The following TRH variants were observed in gnomAD, a reference collection of about 807,000 sequenced individuals.
TRH encodes the protein TSH-releasing factor.
TRH carries 5 observed loss-of-function variants against 5.2 expected under a neutral mutation model. That is an observed-to-expected ratio of 0.95 (90% CI 0.50 to 2.00). TRH has a LOEUF of 2.00. TRH is among the 30% of genes most tolerant of loss of function. TRH has a pLI of 0.01. For missense variants in TRH, 318 were observed against 312.8 expected, an observed-to-expected ratio of 1.02 and a Z score of -0.13; for synonymous variants, 131 against 128.6, an observed-to-expected ratio of 1.02 and a Z score of -0.13.
At chr3:129,975,728 G>C (rs983616460) in intron 1 of TRH, 81 bp from the exon 2 acceptor site, 104 of 1,414,624 alleles carry the variant, frequency 7.4e-5, no homozygotes, top group Non-Finnish European at 9.2e-5. Flanking sequence ...TGCGTGGTTT[G>C]TTTCTGGCGG....
In TRH at chr3:129,975,900, G is replaced by T; in HGVS notation, c.84G>T (p.Ala28=). 1.9e-6 allele frequency: 3 copies of T among 1,613,280 alleles called. No individual in the cohort carries two copies. The highest frequency in any genetic ancestry group is 2.5e-6 in the Non-Finnish European group (3 of 1,179,852). Residue 28 remains alanine (A), a synonymous_variant, in exon 2 of 3, where the codon GCG becomes GCT. Coordinates refer to ENST00000302649, the MANE Select transcript of TRH (RefSeq NM_007117.5). The stretch of plus-strand genomic sequence containing the variant: ...CCGGCGGCCGTGCTCAGCCAGAGGC[G>T]GCCCAGCAGGAGGCAGTGACGGCCG... The part of the protein sequence containing the change: ...GVPGGRAQPE[A]AQQEAVTAAE...
At chr3:129,975,108 C>T (rs1303060606) in intron 1 of TRH, among the ~76,000 whole-genome samples, 1 of 152,094 alleles carries the variant, frequency 6.6e-6, no homozygotes, top group Admixed American at 6.5e-5. Context: ...GCCTGGGTGC[C>T]GCCGGACAGA....
intron 1 of TRH, 105 bp from the exon 2 acceptor site, chr3:129,975,704 G>A: frequency 8.2e-7 from 1 of 1,216,110 alleles, no homozygotes; most frequent in Non-Finnish European, 1.1e-6. Flanking sequence ...GCTTCTGGGA[G>A]GGCGGTTGAA....
Position 129,977,095 on chromosome 3 carries a change from A to G in TRH, c.608A>G (p.Tyr203Cys), listed in dbSNP as rs139795323. Residue 203 changes from tyrosine to cysteine, a missense_variant, in exon 3 of 3, where the codon TAT (tyrosine) becomes TGT (cysteine). Tyr to Cys is a radical substitution (Grantham distance 194). Coordinates refer to ENST00000302649, the MANE Select transcript of TRH (RefSeq NM_007117.5). ...GGCCCCTGTGGGCCCCAGGGAGCCT[A>G]TGGTCAAGCGGGCCTTCTGCTGGGG... ...LGGPCGPQGA[Y>C]GQAGLLLGLL... 8 of 1,584,566 alleles carry G rather than the reference A, an allele frequency of 5.0e-6. No individual in the cohort carries two copies. Among genetic ancestry groups the G allele is most frequent in the Non-Finnish European group, 6.0e-6 (7 of 1,165,954 alleles).
intron 2 of TRH, 113 bp from the exon 3 acceptor site, chr3:129,976,586 G>A (rs989353876): frequency 8.2e-7 from 1 of 1,226,326 alleles, no homozygotes; most frequent in Non-Finnish European, 1.1e-6. Flanking sequence ...CCATGCCTCT[G>A]AGTGGGAGCT....
chr3:129,977,704 C>T lies in TRH; in HGVS notation c.*488C>T, dbSNP rs2108063567. The stretch of plus-strand genomic sequence containing the variant: ...CCCAGGACCCAGGATCTTCTCCTTT[C>T]TGGGCATCCCTTTGTGGGTGGGCAG... On this transcript the variant is annotated 3_prime_UTR_variant, in exon 3 of 3. Transcript: ENST00000302649. 1 of 153,598 alleles carries T rather than the reference C, an allele frequency of 6.5e-6. No homozygotes were observed. The highest frequency in any genetic ancestry group is 6.5e-5 in the Admixed American group (1 of 15,416). 9.5% of individuals were successfully genotyped at this position (153,598 alleles called of 1,614,324 possible).
At chr3:129,976,571 C>T in intron 2 of TRH, 128 bp from the exon 3 acceptor site, 1 of 1,088,534 alleles carries the variant, frequency 9.2e-7, no homozygotes, top group Non-Finnish European at 1.3e-6. Flanking sequence ...GGGGCAGGTG[C>T]AAGACCATGC....
At position 129,977,106 on chromosome 3, in the gene TRH, G is replaced by A. The variant is rs781494718; in HGVS notation, c.619G>A (p.Gly207Ser). ...CGPQGAYGQA[G>S]LLLGLLDDLS... Reference sequence around the variant, plus strand: ...GCCCCAGGGAGCCTATGGTCAAGCGGGCCTTCTGCTGGGGCTCCTGGATGA... The same window carrying A: ...GCCCCAGGGAGCCTATGGTCAAGCGAGCCTTCTGCTGGGGCTCCTGGATGA... Residue 207 changes from glycine to serine, a missense_variant, in exon 3 of 3, where the codon GGC (glycine) becomes AGC (serine). Transcript: ENST00000302649. 2.5e-6 allele frequency: 4 copies of A among 1,569,342 alleles called. No homozygotes were observed. Among genetic ancestry groups the A allele is most frequent in the Non-Finnish European group, 2.6e-6 (3 of 1,159,552 alleles).
Position 129,977,273 on chromosome 3 carries a change from C to T in TRH, c.*57C>T. 2 of 1,490,306 alleles carry T rather than the reference C, an allele frequency of 1.3e-6. No homozygotes were observed. The highest frequency in any genetic ancestry group is 1.8e-6 in the Non-Finnish European group (2 of 1,123,130). The allele number at this position is 1,490,306 out of a possible 1,614,324, so 92.3% of individuals were successfully genotyped here. On this transcript the variant is annotated 3_prime_UTR_variant, in exon 3 of 3. Coordinates refer to ENST00000302649, the MANE Select transcript of TRH (RefSeq NM_007117.5). Reference sequence around the variant, plus strand: ...CTAAGGATGTCTTGAGCCCTGTGTGCCCCACCATTCATGACCTCTGTATTC... The same window carrying T: ...CTAAGGATGTCTTGAGCCCTGTGTGTCCCACCATTCATGACCTCTGTATTC...
In TRH at chr3:129,977,082, C is replaced by G. The variant is rs935211217; in HGVS notation, c.595C>G (p.Pro199Ala). Reference protein sequence around the residue: ...GKRALGGPCGPQGAYGQAGLL... With the variant: ...GKRALGGPCGAQGAYGQAGLL... ...GAGGGCCCTGGGAGGCCCCTGTGGG[C>G]CCCAGGGAGCCTATGGTCAAGCGGG... Residue 199 changes from proline (P) to alanine (A), a missense_variant, in exon 3 of 3, where the codon CCC (proline) becomes GCC (alanine). Coordinates refer to ENST00000302649, the MANE Select transcript of TRH (RefSeq NM_007117.5). 1 of 1,594,050 alleles carries G rather than the reference C, an allele frequency of 6.3e-7. No homozygotes were observed. Among genetic ancestry groups the G allele is most frequent in the African/African-American group, 1.4e-5 (1 of 73,602 alleles).
In TRH at chr3:129,977,268, G is replaced by A. The variant is rs752414848; in HGVS notation, c.*52G>A. ...GTGGTCTAAGGATGTCTTGAGCCCTGTGTGCCCCACCATTCATGACCTCTG... is the reference window on the plus strand; with the variant it reads ...GTGGTCTAAGGATGTCTTGAGCCCTATGTGCCCCACCATTCATGACCTCTG... On this transcript the variant is annotated 3_prime_UTR_variant, in exon 3 of 3. Transcript: ENST00000302649. 31 of 1,497,038 alleles carry A rather than the reference G, an allele frequency of 2.1e-5. No homozygotes were observed. Among genetic ancestry groups the A allele is most frequent in the Non-Finnish European group, 2.8e-5 (31 of 1,126,542 alleles). The allele number at this position is 1,497,038 out of a possible 1,614,324, so 92.7% of individuals were successfully genotyped here. A position where few individuals can be genotyped will look rare whatever the true frequency, so the allele number is the denominator to read the frequency against.
At position 129,976,904 on chromosome 3, in the gene TRH, G is replaced by T. The variant is rs373452457; in HGVS notation, c.417G>T (p.Arg139=). The change falls in exon 3 of 3, where the codon CGG becomes CGT. Residue 139 remains arginine, a synonymous_variant. Coordinates refer to ENST00000302649, the MANE Select transcript of TRH (RefSeq NM_007117.5). ...AGCACAAGCGGCAGCATCCTGGCCG[G>T]CGCTCCCCCTGGCTTGCATATGCTG... is the stretch of plus-strand genomic sequence containing the variant. ...VTQHKRQHPG[R]RSPWLAYAVP... 5 of 1,613,694 alleles carry T rather than the reference G, an allele frequency of 3.1e-6. No homozygotes were observed. The African/African-American group carries it at 6.7e-5, about 22-fold the overall frequency.
chr3:129,975,767 T>C lies in TRH; in HGVS notation c.-8-42T>C, dbSNP rs767760770. On this transcript the variant is annotated intron_variant, in intron 1 of 2. Transcript: ENST00000302649. ...TCGGGGGAGATGGAGCGGGATGTGCTGTGATTCGGTGCGCTCAGGCTCCCT... is the reference window on the plus strand; with the variant it reads ...TCGGGGGAGATGGAGCGGGATGTGCCGTGATTCGGTGCGCTCAGGCTCCCT... The C allele has an allele frequency of 3.3e-6, 5 of 1,532,638 alleles. No individual in the cohort carries two copies. In the Admixed American group the frequency reaches 5.9e-5, roughly 18 times the overall value. The allele number at this position is 1,532,638 out of a possible 1,614,324, so 94.9% of individuals were successfully genotyped here.
At chr3:129,976,590 G>A (rs755648187) in intron 2 of TRH, 109 bp from the exon 3 acceptor site, 101 of 1,253,846 alleles carry the variant, frequency 8.1e-5, no homozygotes, top group Non-Finnish European at 1.1e-4. Flanking sequence ...GCCTCTGAGT[G>A]GGAGCTGCAG....
At position 129,975,853 on chromosome 3, in the gene TRH, A is replaced by G. The variant is rs372137370; in HGVS notation, c.37A>G (p.Thr13Ala). The G allele has an allele frequency of 9.9e-6, 16 of 1,611,664 alleles. No homozygotes were observed. Among genetic ancestry groups the G allele is most frequent in the Non-Finnish European group, 1.4e-5 (16 of 1,179,774 alleles). Residue 13 changes from threonine to alanine, a missense_variant, in exon 2 of 3, where the codon ACC becomes GCC. Transcript: ENST00000302649. ...TTGGTTGCTGCTCGCTCTGGCTTTG[A>G]CCCTGAACCTGACCGGTGTCCCCGG... ...GPWLLLALAL[T>A]LNLTGVPGGR...
Position 129,977,168 on chromosome 3 carries a change from G to A in TRH, c.681G>A (p.Gln227=), listed in dbSNP as rs760645897. The part of the protein sequence containing the change: ...SRSQGAEEKR[Q]HPGRRAAWVR... The stretch of plus-strand genomic sequence containing the variant: ...GCCAGGGAGCTGAGGAAAAGCGGCA[G>A]CACCCTGGTCGGCGGGCAGCCTGGG... The change falls in exon 3 of 3, where the codon CAG becomes CAA. Residue 227 remains glutamine (Q), a synonymous_variant. Transcript: ENST00000302649. 7 of 1,522,266 alleles carry A rather than the reference G, an allele frequency of 4.6e-6. No individual in the cohort carries two copies. In the South Asian group the frequency reaches 8.0e-5, roughly 17 times the overall value. The allele number at this position is 1,522,266 out of a possible 1,614,324, so 94.3% of individuals were successfully genotyped here.
rs781119294 is a variant in TRH, at chr3:129,976,907, C to T, written c.420C>T (p.Arg140=). The change falls in exon 3 of 3, where the codon CGC becomes CGT. Residue 140 remains arginine, a synonymous_variant. Coordinates refer to ENST00000302649, the MANE Select transcript of TRH (RefSeq NM_007117.5). ...ACAAGCGGCAGCATCCTGGCCGGCG[C>T]TCCCCCTGGCTTGCATATGCTGTCC... is the stretch of plus-strand genomic sequence containing the variant. ...TQHKRQHPGR[R]SPWLAYAVPK... The T allele has an allele frequency of 6.2e-7, 1 of 1,612,820 alleles. No individual in the cohort carries two copies. Among genetic ancestry groups the T allele is most frequent in the East Asian group, 2.2e-5 (1 of 44,760 alleles).
chr3:129,976,564 G>A, intron 2 of TRH, 135 bp from the exon 3 acceptor site: 1 of 981,666 alleles, frequency 1.0e-6, no homozygotes, highest in Non-Finnish European at 1.5e-6. Flanking sequence ...GGCCTGAGGG[G>A]CAGGTGCAAG....
At chr3:129,976,339 C>A (rs562403321) in intron 2 of TRH, among the ~76,000 whole-genome samples, 13 of 152,346 alleles carry the variant, frequency 8.5e-5, no homozygotes, top group Admixed American at 3.3e-4. Flanking sequence ...CTGTGCCAGA[C>A]ACTATTCCAA....
Sources: allele counts gnomAD v4.1 joint callset (sites outside exome capture counted in the v4.1 genomes callset), GRCh38; gene constraint gnomAD v4.1.1; transcripts MANE v1.5; gene names NCBI Gene and HGNC (gene_info 2026-07-23, HGNC 2026-07-21).